Variants in FMN2 observed in about 807,000 individuals in gnomAD.
The protein encoded by FMN2 is formin 2, also known as formin-2.
A neutral mutation model predicts 142.3 loss-of-function variants in FMN2; 51 were observed. The observed-to-expected ratio is 0.36, with a 90% CI of 0.29 to 0.45. The LOEUF (loss-of-function observed/expected upper bound fraction) is 0.45. FMN2 is among the 20% of genes least tolerant of loss of function. The probability of loss-of-function intolerance (pLI) is 1.00; values close to 1 mark genes in which losing one functional copy is unlikely to be tolerated. For synonymous variants in FMN2, 882 were observed against 869.8 expected, an observed-to-expected ratio of 1.01 and a Z score of -0.25; for missense variants, 1,936 against 2,122.8, an observed-to-expected ratio of 0.91 and a Z score of 1.73.
chr1:240,201,481 T>C (rs1425157545), intron 4 of FMN2, among the ~76,000 whole-genome samples: 2 of 152,166 alleles, frequency 1.3e-5, no homozygotes, highest in African/African-American at 4.8e-5. Flanking sequence ...ATTTAAAAAA[T>C]GAATTTGCAT....
intron 6 of FMN2, among the ~76,000 whole-genome samples, chr1:240,239,474 A>C (rs1030580576): frequency 6.6e-6 from 1 of 152,246 alleles, no homozygotes; most frequent in African/African-American, 2.4e-5. Flanking sequence ...GCCACTGTTT[A>C]TCTCTCTTTA....
intron 2 of FMN2, among the ~76,000 whole-genome samples, chr1:240,149,803 T>C (rs1484079433): frequency 6.6e-6 from 1 of 152,226 alleles, no homozygotes; most frequent in Non-Finnish European, 1.5e-5. Flanking sequence ...GGAAGATTAA[T>C]TGTAATAGCT....
intron 16 of FMN2, among the ~76,000 whole-genome samples, chr1:240,463,436 G>A (rs1433867103): frequency 6.6e-6 from 1 of 152,170 alleles, no homozygotes; most frequent in Non-Finnish European, 1.5e-5. Flanking sequence ...AGAGGAAGGA[G>A]AATGTCCTCT....
At chr1:240,292,836 T>C (rs1669841352) in intron 7 of FMN2, among the ~76,000 whole-genome samples, 1 of 152,154 alleles carries the variant, frequency 6.6e-6, no homozygotes, top group Admixed American at 6.6e-5. Context: ...CATTCATCTG[T>C]CAGTATTTAA....
At chr1:240,320,214 C>T (rs1402775523) in intron 8 of FMN2, among the ~76,000 whole-genome samples, 1 of 152,010 alleles carries the variant, frequency 6.6e-6, no homozygotes, top group East Asian at 1.9e-4. Context: ...TACTTGTAGA[C>T]TGAAACGATG....
At chr1:240,387,458 T>G (rs1365016669) in intron 14 of FMN2, among the ~76,000 whole-genome samples, 1 of 152,240 alleles carries the variant, frequency 6.6e-6, no homozygotes, top group Non-Finnish European at 1.5e-5. Context: ...TTTTATTTAC[T>G]GCTATGTCTT....
rs76768516 is a variant in FMN2 at position 240,399,219 on chromosome 1, A to G, written c.4910+6657A>G. Among the ~76,000 whole-genome samples, 330 of 152,320 alleles carry G rather than the reference A, an allele frequency of 2.2e-3. 1 individual carries two copies. Among genetic ancestry groups the G allele is most frequent in the African/African-American group, 7.6e-3 (318 of 41,572 alleles). On this transcript the variant is annotated intron_variant, in intron 15 of 17. Coordinates refer to ENST00000319653, the MANE Select transcript of FMN2 (RefSeq NM_020066.5). Reference sequence around the variant, plus strand: ...AGTAGGTTAAATGAGTAAAATATGTATGTCGAGTATCAACTTCATAAGAGC... The same window carrying G: ...AGTAGGTTAAATGAGTAAAATATGTGTGTCGAGTATCAACTTCATAAGAGC...
At chr1:240,449,407 G>A (rs1000574223) in intron 16 of FMN2, among the ~76,000 whole-genome samples, 6 of 152,114 alleles carry the variant, frequency 3.9e-5, no homozygotes, top group African/African-American at 1.2e-4. Context: ...AACTTGAACC[G>A]TGGGCAGCTG....
intron 1 of FMN2, among the ~76,000 whole-genome samples, chr1:240,098,096 A>ATTTTTTTTTTTTTTTTTT (rs1558293621): frequency 1.6e-4 from 13 of 81,210 alleles, no homozygotes; most frequent in African/African-American, 7.9e-4. Flanking sequence ...GGTTATCTTG[A>ATTTTTTTTTTTTTTTTTT]ATTTTTTTTT....
At chr1:240,100,775 G>A (rs999497854) in intron 1 of FMN2, among the ~76,000 whole-genome samples, 2 of 152,188 alleles carry the variant, frequency 1.3e-5, no homozygotes, top group Non-Finnish European at 2.9e-5. Flanking sequence ...CCCACTGGAA[G>A]CTTTATTATC....
Position 240,182,674 on chromosome 1 carries a change from C to T in FMN2, c.1930+4606C>T, listed in dbSNP as rs143447245. Among the ~76,000 whole-genome samples the T allele has an allele frequency of 8.3e-3, 1,260 of 152,194 alleles. 23 individuals are homozygous for T. The highest frequency in any genetic ancestry group is 0.029 in the African/African-American group (1,224 of 41,528). ...TTTAGGATGGAACAATAAAATGAAG[C>T]TGAGATAAGACAGCCAAGTGAAATG... On this transcript the variant is annotated intron_variant, in intron 3 of 17. Coordinates refer to ENST00000319653, the MANE Select transcript of FMN2 (RefSeq NM_020066.5).
chr1:240,410,538 A>T (rs1463953498), intron 15 of FMN2, among the ~76,000 whole-genome samples: 1 of 152,200 alleles, frequency 6.6e-6, no homozygotes, highest in Non-Finnish European at 1.5e-5. Flanking sequence ...TTTTCCTCAG[A>T]TCATCAACCA....
chr1:240,180,602 T>C (rs1026328715), intron 3 of FMN2, among the ~76,000 whole-genome samples: 1 of 149,760 alleles, frequency 6.7e-6, no homozygotes, highest in African/African-American at 2.5e-5. Context: ...ATTCTTACTC[T>C]GTCACCCAGG....
intron 15 of FMN2, among the ~76,000 whole-genome samples, chr1:240,435,993 A>T (rs976580298): frequency 6.6e-6 from 1 of 152,236 alleles, no homozygotes; most frequent in Non-Finnish European, 1.5e-5. Flanking sequence ...TTTTAGGTAT[A>T]TAAGGAAAAT....
At chr1:240,244,382 G>A (rs1668012178) in intron 6 of FMN2, among the ~76,000 whole-genome samples, 1 of 152,128 alleles carries the variant, frequency 6.6e-6, no homozygotes, top group Admixed American at 6.5e-5. Context: ...ATCTCTATTG[G>A]ATATTTAATG....
At chr1:240,112,521 G>A (rs1254634743) in intron 1 of FMN2, among the ~76,000 whole-genome samples, 1 of 152,134 alleles carries the variant, frequency 6.6e-6, no homozygotes, top group East Asian at 1.9e-4. Context: ...TTATTTGGGT[G>A]GAGGGAGGAA....
At chr1:240,158,070 A>T (rs71646822) in intron 2 of FMN2, among the ~76,000 whole-genome samples, 11,509 of 151,720 alleles carry the variant, frequency 0.076, 516 homozygotes, top group African/African-American at 0.11. Flanking sequence ...TTTAAAATTA[A>T]TTTTTTAAAT....
intron 2 of FMN2, among the ~76,000 whole-genome samples, chr1:240,177,559 A>G (rs1463820019): frequency 1.3e-5 from 2 of 152,154 alleles, no homozygotes; most frequent in African/African-American, 4.8e-5. Flanking sequence ...TAAAAGGGAT[A>G]TCATATTCAG....
intron 15 of FMN2, among the ~76,000 whole-genome samples, chr1:240,414,436 A>G (rs552187779): frequency 6.6e-6 from 1 of 152,362 alleles, no homozygotes; most frequent in Non-Finnish European, 1.5e-5. Context: ...CCTTCGTGAA[A>G]GCTGAATGCT....
Sources: allele counts gnomAD v4.1 joint callset (sites outside exome capture counted in the v4.1 genomes callset), GRCh38; gene constraint gnomAD v4.1.1; transcripts MANE v1.5; gene names NCBI Gene and HGNC (gene_info 2026-07-23, HGNC 2026-07-21).